RALGAPA2: variants seen among roughly 807,000 people sequenced by gnomAD.
The protein encoded by RALGAPA2 is ral GTPase-activating protein subunit alpha-2.
Under a neutral mutation model 230.4 loss-of-function variants are expected in RALGAPA2, and 139 were observed. The ratio of observed to expected loss-of-function variants is 0.60; its 90% confidence interval spans 0.53 to 0.69. RALGAPA2 has a LOEUF of 0.69. Ranked by LOEUF, RALGAPA2 falls within the 30% of genes least tolerant of loss-of-function variation. The pLI is 0.00. For synonymous variants in RALGAPA2, 847 were observed against 837.8 expected, an observed-to-expected ratio of 1.01 and a Z score of -0.19; for missense variants, 2,163 against 2,276.0, an observed-to-expected ratio of 0.95 and a Z score of 1.01.
At chr20:20,631,605 G>T (rs2066674767) in intron 9 of RALGAPA2, among the ~76,000 whole-genome samples, 1 of 152,200 alleles carries the variant, frequency 6.6e-6, no homozygotes, top group East Asian at 1.9e-4. Context: ...AAGAACACAG[G>T]ATTCTCCCCT....
At chr20:20,702,597 T>C (rs2069428483) in intron 1 of RALGAPA2, among the ~76,000 whole-genome samples, 2 of 152,116 alleles carry the variant, frequency 1.3e-5, no homozygotes. Context: ...GCTAAGAGCT[T>C]CCCAAGGGAA....
chr20:20,556,759 C>G (rs1643952980), intron 23 of RALGAPA2, among the ~76,000 whole-genome samples: 2 of 152,168 alleles, frequency 1.3e-5, no homozygotes, highest in Admixed American at 1.3e-4. Context: ...AAAAGAAAAT[C>G]AGGCCTCATT....
intron 33 of RALGAPA2, among the ~76,000 whole-genome samples, chr20:20,506,017 G>A (rs989780267): frequency 1.3e-5 from 2 of 152,180 alleles, no homozygotes; most frequent in African/African-American, 4.8e-5. Context: ...GGGTGGCTCT[G>A]TGATTGGAAC....
intron 1 of RALGAPA2, among the ~76,000 whole-genome samples, chr20:20,702,382 G>A (rs2069416612): frequency 6.6e-6 from 1 of 152,204 alleles, no homozygotes; most frequent in African/African-American, 2.4e-5. Flanking sequence ...TGAAGGCAGG[G>A]AGAGGATTTA....
At chr20:20,456,076 C>G (rs1172784356) in intron 37 of RALGAPA2, among the ~76,000 whole-genome samples, 1 of 152,194 alleles carries the variant, frequency 6.6e-6, no homozygotes, top group African/African-American at 2.4e-5. Context: ...ACTTAACTCT[C>G]TGGATTTAGA....
intron 35 of RALGAPA2, among the ~76,000 whole-genome samples, chr20:20,497,109 T>A (rs910848443): frequency 6.6e-6 from 1 of 152,220 alleles, no homozygotes; most frequent in African/African-American, 2.4e-5. Context: ...GCAAAATGTA[T>A]AGCCAACCCC....
At chr20:20,698,881 T>C (rs1397958473) in intron 1 of RALGAPA2, among the ~76,000 whole-genome samples, 1 of 152,216 alleles carries the variant, frequency 6.6e-6, no homozygotes, top group Non-Finnish European at 1.5e-5. Flanking sequence ...TCAGAAAGAT[T>C]GTTCCAAGTT....
rs775196273 is a variant in RALGAPA2 at position 20,712,511 on chromosome 20, G to A, written c.-31C>T. 3.3e-6 allele frequency: 5 copies of A among 1,535,770 alleles called. No individual in the cohort carries two copies. Among genetic ancestry groups the A allele is most frequent in the Non-Finnish European group, 3.5e-6 (4 of 1,140,664 alleles). Reference sequence around the variant, plus strand: ...GGCAGGAAGCCCGGGCCCCGCCGGCGGGGCAGTAGGCGCCTGCGCCACGCG... The same window carrying A: ...GGCAGGAAGCCCGGGCCCCGCCGGCAGGGCAGTAGGCGCCTGCGCCACGCG... On this transcript the variant is annotated 5_prime_UTR_variant, in exon 1 of 40. Transcript: ENST00000202677. This position sits in a 1 kb window ranked among gnomAD's most constrained non-coding sequence, Gnocchi z 5.5.
chr20:20,619,643 A>G (rs1286672587), intron 11 of RALGAPA2, among the ~76,000 whole-genome samples: 2 of 152,222 alleles, frequency 1.3e-5, no homozygotes, highest in East Asian at 3.8e-4. Context: ...GTGCTGAAAG[A>G]ATGAGTTGTG....
chr20:20,552,141 T>A (rs1016292493), intron 23 of RALGAPA2, among the ~76,000 whole-genome samples: 20 of 152,184 alleles, frequency 1.3e-4, no homozygotes, highest in African/African-American at 4.6e-4. Flanking sequence ...CAAACCATAT[T>A]AGAAATGTTG....
intron 37 of RALGAPA2, among the ~76,000 whole-genome samples, chr20:20,450,474 T>C (rs990604966): frequency 5.3e-5 from 8 of 152,222 alleles, no homozygotes; most frequent in Non-Finnish European, 1.2e-4. Flanking sequence ...CTAAAACTAA[T>C]TGGAATTGCT....
intron 20 of RALGAPA2, among the ~76,000 whole-genome samples, chr20:20,577,147 C>T (rs775480986): frequency 5.3e-5 from 8 of 151,990 alleles, no homozygotes; most frequent in Non-Finnish European, 7.4e-5. Flanking sequence ...AGTGTCATCT[C>T]GAGTGTATAT....
chr20:20,408,272 T>C (rs2059986826), intron 38 of RALGAPA2, among the ~76,000 whole-genome samples: 1 of 152,192 alleles, frequency 6.6e-6, no homozygotes, highest in Admixed American at 6.5e-5. Context: ...TAAAATTAGA[T>C]ATTAAATGAG....
chr20:20,448,872 T>C (rs1241751559), intron 37 of RALGAPA2, among the ~76,000 whole-genome samples: 1 of 146,930 alleles, frequency 6.8e-6, no homozygotes, highest in Non-Finnish European at 1.5e-5. Flanking sequence ...GAATGTATAT[T>C]GAAAAAAAAA....
At chr20:20,408,890 T>C (rs541241384) in intron 38 of RALGAPA2, among the ~76,000 whole-genome samples, 276 of 152,356 alleles carry the variant, frequency 1.8e-3, no homozygotes, top group Admixed American at 2.0e-3. Flanking sequence ...GGTAAAAAAG[T>C]AGTTGAAATA....
chr20:20,400,477 T>C (rs1325580511), intron 38 of RALGAPA2, among the ~76,000 whole-genome samples: 1 of 152,172 alleles, frequency 6.6e-6, no homozygotes, highest in Non-Finnish European at 1.5e-5. Flanking sequence ...AAAAAAATTT[T>C]CCTGGCATTT....
chr20:20,526,348 GA>G lies in RALGAPA2; in HGVS notation c.3596del (p.Ile1199ThrfsTer5). On this transcript the variant is annotated frameshift_variant, in exon 28 of 40. Transcript: ENST00000202677. LOFTEE classifies it high-confidence loss of function. ...IGVTLKFPNKIVAQVACDVLQ... is the reference protein window; with the variant it reads ...IGVTLKFPNKXVAQVACDVLQ... ...GGACATCGCAAGCTACCTGGGCCAC[GA>G]TTTTGTTGGGAAACTATAAAAGGAA... 1 of 1,594,676 alleles carries G rather than the reference GA, an allele frequency of 6.3e-7. No individual in the cohort carries two copies. The highest frequency in any genetic ancestry group is 8.5e-7 in the Non-Finnish European group (1 of 1,172,956).
chr20:20,408,054 G>A (rs1462581116), intron 38 of RALGAPA2, among the ~76,000 whole-genome samples: 3 of 152,194 alleles, frequency 2.0e-5, no homozygotes, highest in African/African-American at 4.8e-5. Flanking sequence ...CTGTGTTTAT[G>A]CAGGGCTAAC....
Position 20,663,083 on chromosome 20 carries a change from G to A in RALGAPA2, c.271-9496C>T, listed in dbSNP as rs769475144. 4.4e-4 allele frequency among the ~76,000 whole-genome samples: 67 copies of A among 152,124 alleles called. 1 individual carries two copies. Among genetic ancestry groups the A allele is most frequent in the Admixed American group, 3.8e-3 (58 of 15,272 alleles). On this transcript the variant is annotated intron_variant, in intron 3 of 39. Transcript: ENST00000202677. The stretch of plus-strand genomic sequence containing the variant: ...TTTTGTCCTGAAGGCAATGAGAATC[G>A]AAATTACATCACACAGCATCTGAGG...
Sources: gnomAD v4.1 joint callset for allele counts (sites outside exome capture counted in the v4.1 genomes callset) on GRCh38, gnomAD v4.1.1 for gene constraint, Gnocchi (gnomAD v3.1) non-coding constraint, MANE v1.5 for transcripts, NCBI Gene and HGNC (gene_info 2026-07-23, HGNC 2026-07-21) for gene names.